Variants in HENMT1 observed in about 807,000 individuals in gnomAD.
HENMT1 encodes the protein small RNA 2'-O-methyltransferase.
In HENMT1, 27 loss-of-function variants were observed where a neutral mutation model predicts 31.1. The observed-to-expected ratio is 0.87, with a 90% CI of 0.64 to 1.20. The LOEUF is 1.20. HENMT1 is among the 50% of genes most tolerant of loss of function. HENMT1 has a pLI of 0.00. For missense variants in HENMT1, 438 were observed against 469.6 expected (o/e 0.93, Z 0.62); for synonymous variants, 167 against 172.2 (o/e 0.97, Z 0.24).
chr1:108,651,339 A>G (rs1658048932), intron 5 of HENMT1, 130 bp from the exon 6 acceptor site: 1 of 747,556 alleles, frequency 1.3e-6, no homozygotes, highest in Non-Finnish European at 2.2e-6. Context: ...AATAATGCTT[A>G]TATGACCTAA....
chr1:108,658,581 C>T (rs1025768772), intron 2 of HENMT1, among the ~76,000 whole-genome samples: 6 of 152,242 alleles, frequency 3.9e-5, no homozygotes, highest in Admixed American at 1.3e-4. Flanking sequence ...GACTCTCTCA[C>T]TGACCAAACT....
chr1:108,656,381 C>G (rs1159721433), intron 3 of HENMT1, among the ~76,000 whole-genome samples: 4 of 152,228 alleles, frequency 2.6e-5, no homozygotes, highest in Non-Finnish European at 5.9e-5. Flanking sequence ...TTACCCGCAT[C>G]TAATTCACAT....
chr1:108,657,383 G>T, intron 3 of HENMT1, 68 bp downstream of exon 3: 1 of 1,175,644 alleles, frequency 8.5e-7, no homozygotes, highest in South Asian at 1.3e-5. Flanking sequence ...TAATCCATTT[G>T]ACAAAACACC....
intron 7 of HENMT1, chr1:108,649,477 ATGG>A (rs1557737886): frequency 2.3e-6 from 1 of 435,174 alleles, no homozygotes; most frequent in South Asian, 1.6e-5. Context: ...AAAGCTGAGC[ATGG>A]TGGTGCACGC....
Position 108,654,764 on chromosome 1 carries a change from T to C in HENMT1, c.350A>G (p.Glu117Gly), listed in dbSNP as rs1658164989. The C allele has an allele frequency of 6.2e-7, 1 of 1,614,124 alleles. No individual in the cohort carries two copies. Among genetic ancestry groups the C allele is most frequent in the Non-Finnish European group, 8.5e-7 (1 of 1,179,966 alleles). Reference sequence around the variant, plus strand: ...AAATCCAAGCAAACGAGAGTCTCTCTCCACAACGGAGCCATGATACAATGT... The same window carrying C: ...AAATCCAAGCAAACGAGAGTCTCTCCCCACAACGGAGCCATGATACAATGT... ...TITLYHGSVVERDSRLLGFDL... is the reference protein window; with the variant it reads ...TITLYHGSVVGRDSRLLGFDL... The change falls in exon 5 of 8, where the codon GAG (glutamate) becomes GGG (glycine). Residue 117 changes from glutamate to glycine, a missense_variant. Coordinates refer to ENST00000651461, the MANE Select transcript of HENMT1 (RefSeq NM_001102592.2).
chr1:108,660,037 G>A lies in HENMT1; in HGVS notation c.-78-75C>T, dbSNP rs543195589. On this transcript the variant is annotated intron_variant, in intron 1 of 7. Transcript: ENST00000651461. Reference sequence around the variant, plus strand: ...GCTGCCTAGTTCAGAAGGGAAGAACGAAAGCCTCTTTCTTACTCCTTACTA... The same window carrying A: ...GCTGCCTAGTTCAGAAGGGAAGAACAAAAGCCTCTTTCTTACTCCTTACTA... The A allele has an allele frequency of 9.1e-6, 6 of 656,918 alleles. No individual in the cohort carries two copies. The African/African-American group carries it at 1.0e-4, about 11-fold the overall frequency. 40.7% of individuals were successfully genotyped at this position (656,918 alleles called of 1,614,324 possible).
Position 108,650,208 on chromosome 1 carries a change from C to G in HENMT1, c.756+3G>C, listed in dbSNP as rs372074843. 5 of 1,613,280 alleles carry G rather than the reference C, an allele frequency of 3.1e-6. No homozygotes were observed. Among genetic ancestry groups the G allele is most frequent in the African/African-American group, 1.3e-5 (1 of 74,914 alleles). On this transcript the variant is annotated splice_donor_region_variant and intron_variant, in intron 7 of 7. Coordinates refer to ENST00000651461, the MANE Select transcript of HENMT1 (RefSeq NM_001102592.2). ...TGATAGCTATCTCACAAAGAATACT[C>G]ACAGCTTTATAAACATGCTGATCAT...
At position 108,650,265 on chromosome 1, in the gene HENMT1, T is replaced by C; in HGVS notation, c.702A>G (p.Gly234=). The C allele has an allele frequency of 6.2e-7, 1 of 1,614,194 alleles. No homozygotes were observed. The change falls in exon 7 of 8, where the codon GGA becomes GGG. Residue 234 remains glycine (G), a synonymous_variant. Transcript: ENST00000651461. ...TQIGIFRKNG[G]KATESCLSEQ... is the part of the protein sequence containing the mutation. ...CTGAAAGACATGATTCTGTTGCCTT[T>C]CCTCCATTTTTCCGGAAGATTCCTA...
chr1:108,658,022 CACTT>C (rs756510589), intron 2 of HENMT1, among the ~76,000 whole-genome samples: 87 of 147,634 alleles, frequency 5.9e-4, no homozygotes, highest in African/African-American at 8.5e-4. Flanking sequence ...TATGTACACA[CACTT>C]ACACACACAC....
intron 2 of HENMT1, among the ~76,000 whole-genome samples, chr1:108,659,019 G>A (rs986643599): frequency 4.6e-5 from 7 of 152,054 alleles, no homozygotes; most frequent in African/African-American, 1.4e-4. Context: ...CCAATATATC[G>A]AAAATATAAT....
chr1:108,661,372 T>C (rs1658478760), upstream of HENMT1: 2 of 152,272 alleles, frequency 1.3e-5, no homozygotes, highest in African/African-American at 4.8e-5. Context: ...GCCGCGCCGT[T>C]GACCCCGCTA....
intron 3 of HENMT1, among the ~76,000 whole-genome samples, chr1:108,656,412 C>T (rs1237968562): frequency 1.3e-5 from 2 of 152,178 alleles, no homozygotes; most frequent in Non-Finnish European, 2.9e-5. Flanking sequence ...AGTATAGTAA[C>T]CAGGTATGGA....
At chr1:108,653,764 T>A (rs150650016) in intron 5 of HENMT1, among the ~76,000 whole-genome samples, 1 of 152,206 alleles carries the variant, frequency 6.6e-6, no homozygotes, top group African/African-American at 2.4e-5. Flanking sequence ...CACTTTTTAT[T>A]TGGGGTTTTT....
intron 5 of HENMT1, among the ~76,000 whole-genome samples, chr1:108,651,813 C>G (rs999964477): frequency 3.3e-5 from 5 of 152,014 alleles, no homozygotes; most frequent in Non-Finnish European, 7.4e-5. Context: ...TTCCTACCCC[C>G]CAACTCCATC....
chr1:108,656,277 A>G (rs1658235759), intron 3 of HENMT1, among the ~76,000 whole-genome samples: 1 of 152,300 alleles, frequency 6.6e-6, no homozygotes, highest in Admixed American at 6.5e-5. Flanking sequence ...TAGAAACAGT[A>G]GTGGTGGAGT....
intron 3 of HENMT1, among the ~76,000 whole-genome samples, chr1:108,656,685 C>T (rs1341637301): frequency 6.6e-6 from 1 of 152,244 alleles, no homozygotes; most frequent in Admixed American, 6.5e-5. Flanking sequence ...CACTATGGTG[C>T]CAGGCTGGTC....
rs2100993727 is a variant in HENMT1 at position 108,648,439 on chromosome 1, T to C, written c.*127A>G. On this transcript the variant is annotated 3_prime_UTR_variant, in exon 8 of 8. Coordinates refer to ENST00000651461, the MANE Select transcript of HENMT1 (RefSeq NM_001102592.2). ...ATCTCAAGCAGGTCTGTCCAATGGC[T>C]TGGAACATAGACTTTTGCAGTGAAA... is the stretch of plus-strand genomic sequence containing the variant. 1.2e-6 allele frequency: 1 copy of C among 814,214 alleles called. No homozygotes were observed. 50.4% of individuals were successfully genotyped at this position (814,214 alleles called of 1,614,324 possible). A position where few individuals can be genotyped will look rare whatever the true frequency, so the allele number is the denominator to read the frequency against.
At chr1:108,651,329 A>T in intron 5 of HENMT1, 120 bp from the exon 6 acceptor site, 1 of 792,436 alleles carries the variant, frequency 1.3e-6, no homozygotes, top group East Asian at 2.7e-5. Context: ...TTGAATATGT[A>T]ATAATGCTTA....
chr1:108,658,938 G>A (rs2101003475), intron 2 of HENMT1, among the ~76,000 whole-genome samples: 1 of 152,318 alleles, frequency 6.6e-6, no homozygotes, highest in East Asian at 1.9e-4. Context: ...CTGTCCAATA[G>A]ATAAAATACA....
Sources: gnomAD v4.1 joint callset for allele counts (sites outside exome capture counted in the v4.1 genomes callset) on GRCh38, gnomAD v4.1.1 for gene constraint, MANE v1.5 for transcripts, NCBI Gene and HGNC (gene_info 2026-07-23, HGNC 2026-07-21) for gene names.